The following AKAP9 variants were observed in gnomAD, a reference collection of about 807,000 sequenced individuals.
The protein encoded by AKAP9 is A-kinase anchor protein 9.
AKAP9 carries 311 observed loss-of-function variants against 488.5 expected under a neutral mutation model. The ratio of observed to expected loss-of-function variants is 0.64; its 90% confidence interval spans 0.58 to 0.70. The LOEUF is 0.70. Ranked by LOEUF, AKAP9 falls within the 30% of genes least tolerant of loss-of-function variation. The pLI, the probability that AKAP9 is intolerant of heterozygous loss-of-function variation, is 0.00. For missense variants in AKAP9, 4,215 were observed against 4,374.5 expected (o/e 0.96, Z 1.03); for synonymous variants, 1,462 against 1,483.5 (o/e 0.99, Z 0.33).
Position 92,074,248 on chromosome 7 carries a change from A to G in AKAP9, c.6613-2607A>G, listed in dbSNP as rs532915256. The stretch of plus-strand genomic sequence containing the variant: ...CTCAAAAGAAGACATTTATATGGCC[A>G]AAAAACATACGAAGAAAAGCTCATC... On this transcript the variant is annotated intron_variant, in intron 28 of 49. Transcript: ENST00000356239. Among the ~76,000 whole-genome samples, 16 of 152,352 alleles carry G rather than the reference A, an allele frequency of 1.1e-4. No homozygotes were observed. The South Asian group carries it at 2.7e-3, about 26-fold the overall frequency.
intron 1 of AKAP9, chr7:91,970,554 C>T (rs148131740): frequency 2.2e-6 from 1 of 449,894 alleles, no homozygotes; most frequent in African/African-American, 2.0e-5. Context: ...CTGTGAAAGA[C>T]TTTGTTCCTC....
intron 48 of AKAP9, 101 bp downstream of exon 48, chr7:92,107,523 G>A (rs1376715193): frequency 3.4e-6 from 4 of 1,166,542 alleles, no homozygotes; most frequent in Non-Finnish European, 5.0e-6. Context: ...CATTGAGATA[G>A]ACATCTTTGT....
chr7:91,954,430 A>G (rs1584554437), intron 1 of AKAP9, among the ~76,000 whole-genome samples: 1 of 152,196 alleles, frequency 6.6e-6, no homozygotes, highest in South Asian at 2.1e-4. Context: ...GACTACAGGT[A>G]CACACCACCA....
chr7:91,961,855 A>C (rs1390591239), intron 1 of AKAP9, among the ~76,000 whole-genome samples: 1 of 152,084 alleles, frequency 6.6e-6, no homozygotes, highest in African/African-American at 2.4e-5. Flanking sequence ...AAAAAAAAAA[A>C]TCTTGAGTTT....
chr7:92,068,156 C>T (rs1321382930), intron 26 of AKAP9, among the ~76,000 whole-genome samples: 2 of 151,346 alleles, frequency 1.3e-5, no homozygotes, highest in African/African-American at 2.4e-5. Context: ...GTCAGGAGAT[C>T]GTGACCATCC....
intron 8 of AKAP9, among the ~76,000 whole-genome samples, chr7:92,011,299 T>A: frequency 6.6e-6 from 1 of 152,192 alleles, no homozygotes; most frequent in Non-Finnish European, 1.5e-5. Context: ...GAAAACTTAT[T>A]TATGAATAAC....
intron 40 of AKAP9, 147 bp downstream of exon 40, chr7:92,095,320 G>A (rs1055571391): frequency 1.9e-5 from 17 of 904,024 alleles, no homozygotes; most frequent in South Asian, 9.5e-5. Context: ...TACATAAACC[G>A]TATTATGAGG....
chr7:91,943,265 TTC>T (rs1387049026), intron 1 of AKAP9, among the ~76,000 whole-genome samples: 1 of 152,146 alleles, frequency 6.6e-6, no homozygotes, highest in Non-Finnish European at 1.5e-5. Context: ...GGGAATCATT[TTC>T]TAAGTTATAT....
At chr7:91,999,382 C>A (rs1430598278) in intron 7 of AKAP9, among the ~76,000 whole-genome samples, 1 of 152,100 alleles carries the variant, frequency 6.6e-6, no homozygotes, top group Non-Finnish European at 1.5e-5. Flanking sequence ...CCCAGCCCCA[C>A]GCCCAGCTAG....
At chr7:92,103,942 T>C (rs1295417373) in intron 46 of AKAP9, among the ~76,000 whole-genome samples, 1 of 152,102 alleles carries the variant, frequency 6.6e-6, no homozygotes, top group Non-Finnish European at 1.5e-5. Context: ...TTTATTGTTC[T>C]TTCTCTAGTA....
chr7:92,027,543 G>A (rs1358483549), intron 14 of AKAP9, among the ~76,000 whole-genome samples: 3 of 143,430 alleles, frequency 2.1e-5, no homozygotes, highest in African/African-American at 5.3e-5. Flanking sequence ...GCCTCTGCCC[G>A]GCTGCACCGT....
rs180957392 is a variant in AKAP9 at position 91,976,411 on chromosome 7, C to T, written c.306+2443C>T. ...TAATTTGTGTATTTTTTTGTAGAGA[C>T]GGAGTTTTGCCATGTTGCCCAGGCT... On this transcript the variant is annotated intron_variant, in intron 2 of 49. Coordinates refer to ENST00000356239, the MANE Select transcript of AKAP9 (RefSeq NM_005751.5). 8.6e-5 allele frequency among the ~76,000 whole-genome samples: 13 copies of T among 152,042 alleles called. No homozygotes were observed. In the East Asian group the frequency reaches 1.5e-3, roughly 18 times the overall value.
intron 37 of AKAP9, among the ~76,000 whole-genome samples, chr7:92,089,104 A>G (rs1186732718): frequency 1.3e-5 from 2 of 152,166 alleles, no homozygotes; most frequent in African/African-American, 4.8e-5. Flanking sequence ...GGCTCTGTAT[A>G]TCACATAATA....
At chr7:92,099,354 A>C (rs1817153687) in intron 43 of AKAP9, among the ~76,000 whole-genome samples, 1 of 152,144 alleles carries the variant, frequency 6.6e-6, no homozygotes. Flanking sequence ...GAATTTTCCC[A>C]ACACATAAAT....
intron 1 of AKAP9, among the ~76,000 whole-genome samples, chr7:91,945,551 A>G (rs1584513069): frequency 6.6e-6 from 1 of 152,148 alleles, no homozygotes; most frequent in Non-Finnish European, 1.5e-5. Flanking sequence ...TAGCCTGCCC[A>G]GTGGGCTTTA....
intron 1 of AKAP9, among the ~76,000 whole-genome samples, chr7:91,958,333 C>A (rs961715058): frequency 3.3e-5 from 5 of 152,142 alleles, no homozygotes; most frequent in African/African-American, 1.2e-4. Context: ...CTATTTGTTA[C>A]AAATATACCT....
rs1172115467 is a variant in AKAP9 at position 92,097,188 on chromosome 7, C to A, written c.10229C>A (p.Ser3410Tyr). The A allele has an allele frequency of 1.1e-5, 17 of 1,613,252 alleles. No homozygotes were observed. Among genetic ancestry groups the A allele is most frequent in the Non-Finnish European group, 1.4e-5 (17 of 1,179,816 alleles). The stretch of plus-strand genomic sequence containing the variant: ...CAGAAAAAAATGCATGAGCTCCAGT[C>A]CAAAGTGGAAGATCTTCAGCGCCAG... ...EGQKKMHELQSKVEDLQRQLE... is the reference protein window; with the variant it reads ...EGQKKMHELQYKVEDLQRQLE... Residue 3410 changes from serine (S) to tyrosine (Y), a missense_variant, in exon 41 of 50, where the codon TCC (serine) becomes TAC (tyrosine). Physicochemically the swap from Ser to Tyr is moderately radical, Grantham distance 144 (BLOSUM62 -2). Transcript: ENST00000356239.
chr7:92,002,644 A>G lies in AKAP9; in HGVS notation c.2727A>G (p.Thr909=). 6.2e-7 allele frequency: 1 copy of G among 1,613,178 alleles called. No individual in the cohort carries two copies. Among genetic ancestry groups the G allele is most frequent in the Non-Finnish European group, 8.5e-7 (1 of 1,179,538 alleles). The change falls in exon 8 of 50, where the codon ACA becomes ACG. Residue 909 remains threonine (T), a synonymous_variant. Coordinates refer to ENST00000356239, the MANE Select transcript of AKAP9 (RefSeq NM_005751.5). ...ELHLQRINPT[T]VKMKSSVFDE... The stretch of plus-strand genomic sequence containing the variant: ...ATTTGCAAAGAATAAATCCAACTAC[A>G]GTGAAAATGAAAAGTTCTGTCTTTG...
At chr7:91,959,375 G>GCCT (rs1793439302) in intron 1 of AKAP9, among the ~76,000 whole-genome samples, 1 of 151,520 alleles carries the variant, frequency 6.6e-6, no homozygotes, top group African/African-American at 2.4e-5. Flanking sequence ...GCTCACTGCA[G>GCCT]CCTCGCTCCT....
Sources: allele counts gnomAD v4.1 joint callset (sites outside exome capture counted in the v4.1 genomes callset), GRCh38; gene constraint gnomAD v4.1.1; transcripts MANE v1.5; gene names NCBI Gene and HGNC (gene_info 2026-07-23, HGNC 2026-07-21).